DOCK10: variants seen among roughly 807,000 people sequenced by gnomAD.
DOCK10 encodes the protein dedicator of cytokinesis 10.
Under a neutral mutation model 280.1 loss-of-function variants are expected in DOCK10, and 145 were observed. The observed-to-expected ratio is 0.52, with a 90% CI of 0.45 to 0.59. The LOEUF (loss-of-function observed/expected upper bound fraction) is 0.59, where lower values mean the gene tolerates loss of function less well. DOCK10 is among the 20% of genes least tolerant of loss of function. The probability of loss-of-function intolerance (pLI) is 0.00; values close to 1 mark genes in which losing one functional copy is unlikely to be tolerated. For synonymous variants in DOCK10, 915 were observed against 942.2 expected (o/e 0.97, Z 0.53); for missense variants, 2,368 against 2,651.7 (o/e 0.89, Z 2.35).
In DOCK10 at chr2:224,770,647, T is replaced by G; in HGVS notation, c.6205-2A>C. ...ATAGGCCATTGGCCCAGCATTAACC[T>G]GTTGAGAAGAAAATTGGTGAAGGAT... On this transcript the variant is annotated splice_acceptor_variant, in intron 53 of 55. Coordinates refer to ENST00000258390, the MANE Select transcript of DOCK10 (RefSeq NM_014689.3). LOFTEE classifies it high-confidence loss of function. This position sits in a 1 kb window ranked among gnomAD's most constrained non-coding sequence, Gnocchi z 4.5. 6.2e-7 allele frequency: 1 copy of G among 1,610,736 alleles called. No individual in the cohort carries two copies. Among genetic ancestry groups the G allele is most frequent in the Non-Finnish European group, 8.5e-7 (1 of 1,177,044 alleles).
intron 1 of DOCK10, among the ~76,000 whole-genome samples, chr2:224,968,211 A>G (rs1704884393): frequency 6.6e-6 from 1 of 152,256 alleles, no homozygotes; most frequent in Non-Finnish European, 1.5e-5. Context: ...CTAACAGAAA[A>G]TGGTATGTTC....
chr2:224,831,028 G>A lies in DOCK10; in HGVS notation c.2965-416C>T, dbSNP rs554288889. On this transcript the variant is annotated intron_variant, in intron 26 of 55. Coordinates refer to ENST00000258390, the MANE Select transcript of DOCK10 (RefSeq NM_014689.3). ...AGCTCACTGCAGTCTTGAACTCTCCGGCTCAGGTGATTCTCCCACCTCAGT... is the reference window on the plus strand; with the variant it reads ...AGCTCACTGCAGTCTTGAACTCTCCAGCTCAGGTGATTCTCCCACCTCAGT... Among the ~76,000 whole-genome samples the A allele has an allele frequency of 9.2e-5, 14 of 151,980 alleles. No homozygotes were observed. In the East Asian group the frequency reaches 1.4e-3, roughly 15 times the overall value.
At chr2:224,862,839 T>C (rs1697608144) in intron 13 of DOCK10, 93 bp from the exon 14 acceptor site, 3 of 804,146 alleles carry the variant, frequency 3.7e-6, no homozygotes, top group Admixed American at 3.2e-5. Flanking sequence ...TATTATTTTA[T>C]ACTGAAACTC....
At chr2:224,902,779 C>G (rs557176098) in intron 3 of DOCK10, among the ~76,000 whole-genome samples, 1 of 151,704 alleles carries the variant, frequency 6.6e-6, no homozygotes, top group African/African-American at 2.4e-5. Context: ...CTGCAGTATA[C>G]AAACCAGTTG....
chr2:224,887,688 G>T (rs957795478), intron 4 of DOCK10, among the ~76,000 whole-genome samples: 1 of 152,016 alleles, frequency 6.6e-6, no homozygotes, highest in Non-Finnish European at 1.5e-5. Flanking sequence ...ATATGCTTGA[G>T]GTTTACAACA....
intron 25 of DOCK10, 46 bp downstream of exon 25, chr2:224,837,716 A>C: frequency 6.6e-7 from 1 of 1,519,830 alleles, no homozygotes. Context: ...GAGACAAGTC[A>C]CACAGCACAA....
intron 1 of DOCK10, among the ~76,000 whole-genome samples, chr2:224,973,674 T>C (rs560468670): frequency 6.6e-6 from 1 of 152,296 alleles, no homozygotes; most frequent in South Asian, 2.1e-4. Flanking sequence ...AATATGTGTG[T>C]TGTTTAAAAC....
intron 1 of DOCK10, among the ~76,000 whole-genome samples, chr2:225,010,807 C>G (rs1225746480): frequency 6.7e-6 from 1 of 150,340 alleles, no homozygotes; most frequent in Non-Finnish European, 1.5e-5. Context: ...CAAGATAAAT[C>G]CTGCAAAACT....
chr2:224,795,342 AT>A (rs1692489329), intron 44 of DOCK10, among the ~76,000 whole-genome samples: 1 of 152,004 alleles, frequency 6.6e-6, no homozygotes, highest in South Asian at 2.1e-4. Flanking sequence ...AAACGTCCTG[AT>A]TGTCTTTGAG....
chr2:224,989,388 G>A (rs1706067415), intron 1 of DOCK10, among the ~76,000 whole-genome samples: 1 of 152,154 alleles, frequency 6.6e-6, no homozygotes. Flanking sequence ...ATGATTAGTG[G>A]AATGAATGAA....
Position 224,961,593 on chromosome 2 carries a change from G to A in DOCK10, c.124-29925C>T, listed in dbSNP as rs971251285. ...GCGATCTCGGCTCACTGCAACCTCCGCCTCCTGGGTTCAAGCGATTCTCCT... is the reference window on the plus strand; with the variant it reads ...GCGATCTCGGCTCACTGCAACCTCCACCTCCTGGGTTCAAGCGATTCTCCT... On this transcript the variant is annotated intron_variant, in intron 1 of 55. Transcript: ENST00000258390. 6.1e-5 allele frequency among the ~76,000 whole-genome samples: 9 copies of A among 148,648 alleles called. No homozygotes were observed. In the South Asian group the frequency reaches 8.5e-4, roughly 14 times the overall value.
At chr2:224,784,373 G>T (rs1273506703) in intron 50 of DOCK10, among the ~76,000 whole-genome samples, 1 of 152,094 alleles carries the variant, frequency 6.6e-6, no homozygotes, top group Non-Finnish European at 1.5e-5. Flanking sequence ...ACTCATAGTG[G>T]CCTGAAATAA....
intron 1 of DOCK10, among the ~76,000 whole-genome samples, chr2:224,942,643 A>T (rs1053284428): frequency 6.6e-6 from 1 of 152,254 alleles, no homozygotes; most frequent in African/African-American, 2.4e-5. Context: ...GGAAGATTCA[A>T]GAAGAAAAAA....
At chr2:224,829,364 G>T (rs1695073111) in intron 27 of DOCK10, among the ~76,000 whole-genome samples, 1 of 152,212 alleles carries the variant, frequency 6.6e-6, no homozygotes, top group Non-Finnish European at 1.5e-5. Flanking sequence ...TTGCACGGGT[G>T]CTTGGTCTGT....
intron 1 of DOCK10, among the ~76,000 whole-genome samples, chr2:225,032,772 TATC>T (rs1390842376): frequency 6.6e-6 from 1 of 152,228 alleles, no homozygotes; most frequent in East Asian, 1.9e-4. Flanking sequence ...ATAATTTAAT[TATC>T]ATATTTCATT....
chr2:224,886,652 A>G (rs1330155477), intron 4 of DOCK10, 121 bp from the exon 5 acceptor site: 3 of 749,790 alleles, frequency 4.0e-6, no homozygotes, highest in Non-Finnish European at 4.3e-6. Context: ...CTGTAAAATA[A>G]TGTAATCTTT....
intron 31 of DOCK10, among the ~76,000 whole-genome samples, chr2:224,810,421 A>C (rs1415597253): frequency 6.6e-6 from 1 of 152,214 alleles, no homozygotes; most frequent in Admixed American, 6.5e-5. Flanking sequence ...TCAAATACGT[A>C]GCATAGTAAG....
chr2:224,914,084 T>C (rs1414272753), intron 3 of DOCK10, among the ~76,000 whole-genome samples: 1 of 152,226 alleles, frequency 6.6e-6, no homozygotes, highest in Non-Finnish European at 1.5e-5. Context: ...ATCTGGAATT[T>C]ATTTTTGTAT....
chr2:224,984,172 G>A (rs1321037717), intron 1 of DOCK10, among the ~76,000 whole-genome samples: 1 of 152,000 alleles, frequency 6.6e-6, no homozygotes, highest in African/African-American at 2.4e-5. Flanking sequence ...TCTGCTCATG[G>A]CTGCGTAGTT....
Sources: allele counts gnomAD v4.1 joint callset (sites outside exome capture counted in the v4.1 genomes callset), GRCh38; gene constraint gnomAD v4.1.1; non-coding constraint Gnocchi (gnomAD v3.1); transcripts MANE v1.5; gene names NCBI Gene and HGNC (gene_info 2026-07-23, HGNC 2026-07-21).